Variants in PPP1R12B observed in about 807,000 individuals in gnomAD.
The protein encoded by PPP1R12B is protein phosphatase 1 regulatory subunit 12B.
A neutral mutation model predicts 126.1 loss-of-function variants in PPP1R12B; 76 were observed. The ratio of observed to expected loss-of-function variants is 0.60; its 90% CI spans 0.50 to 0.73. PPP1R12B has a LOEUF of 0.73. PPP1R12B is among the 30% of genes least tolerant of loss of function. PPP1R12B has a pLI of 0.00. For synonymous variants in PPP1R12B, 356 were observed against 434.7 expected (o/e 0.82, Z 2.25); for missense variants, 1,052 against 1,205.1 (o/e 0.87, Z 1.88).
chr1:202,464,046 C>T (rs1674664326), intron 13 of PPP1R12B, among the ~76,000 whole-genome samples: 1 of 152,142 alleles, frequency 6.6e-6, no homozygotes, highest in Admixed American at 6.5e-5. Flanking sequence ...CTTTGCTTAA[C>T]AAAATTGTAT....
chr1:202,454,017 C>G (rs1481935522), intron 13 of PPP1R12B, among the ~76,000 whole-genome samples: 1 of 152,126 alleles, frequency 6.6e-6, no homozygotes, highest in African/African-American at 2.4e-5. Context: ...AAAGTAATCT[C>G]TAGCTGACAA....
chr1:202,476,247 A>G (rs1223305102), intron 13 of PPP1R12B, among the ~76,000 whole-genome samples: 3 of 151,742 alleles, frequency 2.0e-5, no homozygotes, highest in Admixed American at 6.6e-5. Context: ...ATAATAAACT[A>G]TCTTATAAGA....
chr1:202,548,349 T>C lies in PPP1R12B; in HGVS notation c.2491-10528T>C, dbSNP rs1397158490. Among the ~76,000 whole-genome samples the C allele has an allele frequency of 4.0e-5, 6 of 151,702 alleles. No individual in the cohort carries two copies. In the South Asian group the frequency reaches 6.2e-4, roughly 16 times the overall value. ...AACCTAGATTAGTAAAAAGTCAGAA[T>C]GTTTTGTTTTGTTTTGTTTTGTTTT... On this transcript the variant is annotated intron_variant, in intron 18 of 23. Coordinates refer to ENST00000608999, the MANE Select transcript of PPP1R12B (RefSeq NM_002481.4).
chr1:202,385,117 G>C (rs1459086385), intron 1 of PPP1R12B, among the ~76,000 whole-genome samples: 6 of 152,114 alleles, frequency 3.9e-5, no homozygotes, highest in Non-Finnish European at 1.5e-5. Flanking sequence ...GTGATGTATT[G>C]GTTTATATTT....
chr1:202,513,825 T>A (rs68182314), intron 18 of PPP1R12B, among the ~76,000 whole-genome samples: 29,383 of 151,864 alleles, frequency 0.19, 3,013 homozygotes, highest in Non-Finnish European at 0.22. Context: ...ATGAAAAGAG[T>A]ACACAGTTTA....
chr1:202,568,295 A>T (rs1452432735), intron 22 of PPP1R12B, among the ~76,000 whole-genome samples: 3 of 152,138 alleles, frequency 2.0e-5, no homozygotes, highest in Non-Finnish European at 4.4e-5. Context: ...AACATGAGCC[A>T]ACACAGTCTT....
chr1:202,473,033 C>A, intron 13 of PPP1R12B, among the ~76,000 whole-genome samples: 1 of 152,184 alleles, frequency 6.6e-6, no homozygotes, highest in Non-Finnish European at 1.5e-5. Flanking sequence ...GCACTCTTGA[C>A]ATTTGGGGCC....
chr1:202,482,306 C>A (rs182742918), intron 13 of PPP1R12B, among the ~76,000 whole-genome samples: 5 of 152,140 alleles, frequency 3.3e-5, no homozygotes, highest in African/African-American at 7.2e-5. Context: ...TTTAAAGGAA[C>A]CTCCATACTG....
chr1:202,434,994 A>G (rs1440707992), intron 9 of PPP1R12B, among the ~76,000 whole-genome samples: 1 of 152,162 alleles, frequency 6.6e-6, no homozygotes, highest in Non-Finnish European at 1.5e-5. Context: ...CAGCCAGTTC[A>G]GTTCCTGGTG....
intron 22 of PPP1R12B, among the ~76,000 whole-genome samples, chr1:202,568,200 C>T (rs997296289): frequency 6.8e-6 from 1 of 148,098 alleles, no homozygotes; most frequent in African/African-American, 2.5e-5. Context: ...ACACACACAT[C>T]CAAGGTCTCT....
intron 18 of PPP1R12B, among the ~76,000 whole-genome samples, chr1:202,505,513 TC>T (rs2148882647): frequency 6.6e-6 from 1 of 152,328 alleles, no homozygotes; most frequent in East Asian, 1.9e-4. Context: ...CCAGCAACTT[TC>T]TGTCCACTCT....
intron 7 of PPP1R12B, 141 bp from the exon 8 acceptor site, chr1:202,431,339 G>A: frequency 4.5e-6 from 3 of 663,808 alleles, no homozygotes; most frequent in Non-Finnish European, 7.0e-6. Flanking sequence ...AAAATGAAGG[G>A]TTTGGAAGAA....
intron 12 of PPP1R12B, chr1:202,443,162 C>T: frequency 1.0e-6 from 1 of 958,348 alleles, no homozygotes; most frequent in Non-Finnish European, 1.2e-6. Flanking sequence ...ATCTGTATTC[C>T]CTTTTCTGCA....
chr1:202,401,643 G>A (rs187204284), intron 1 of PPP1R12B, among the ~76,000 whole-genome samples: 1 of 152,146 alleles, frequency 6.6e-6, no homozygotes, highest in Admixed American at 6.5e-5. Context: ...TTTCATATTT[G>A]TTGTCTTGTG....
intron 23 of PPP1R12B, among the ~76,000 whole-genome samples, chr1:202,571,004 C>A (rs1035038609): frequency 6.6e-6 from 1 of 152,274 alleles, no homozygotes; most frequent in Non-Finnish European, 1.5e-5. Context: ...AAGCTAGAAC[C>A]TTTCAAGGAG....
chr1:202,438,354 G>A (rs1444999137), intron 10 of PPP1R12B: 1 of 994,362 alleles, frequency 1.0e-6, no homozygotes, highest in African/African-American at 1.6e-5. Flanking sequence ...CCCCAGGTAG[G>A]GGTCCTGGAT....
In PPP1R12B at chr1:202,437,851, G is replaced by A; in HGVS notation, c.1285G>A (p.Glu429Lys). Residue 429 changes from glutamate (E) to lysine (K), a missense_variant, in exon 10 of 24, where the codon GAG becomes AAG. Coordinates refer to ENST00000608999, the MANE Select transcript of PPP1R12B (RefSeq NM_002481.4). ...TTCTGGCCTTTTTAACAAGCCAGAA[G>A]AGCCCAAAGATGAATCTCCTTCTTC... ...FSSGLFNKPE[E>K]PKDESPSSWR... 13 of 1,613,700 alleles carry A rather than the reference G, an allele frequency of 8.1e-6. No individual in the cohort carries two copies. Among genetic ancestry groups the A allele is most frequent in the Non-Finnish European group, 1.1e-5 (13 of 1,179,668 alleles).
intron 1 of PPP1R12B, among the ~76,000 whole-genome samples, chr1:202,377,071 G>T (rs368375262): frequency 7.2e-5 from 11 of 152,318 alleles, no homozygotes; most frequent in African/African-American, 2.4e-4. Flanking sequence ...GAAGCCAAAA[G>T]ATTGGATACC....
Position 202,452,073 on chromosome 1 carries a change from G to T in PPP1R12B, c.1850+2902G>T, listed in dbSNP as rs537346536. Among the ~76,000 whole-genome samples, 5 of 151,734 alleles carry T rather than the reference G, an allele frequency of 3.3e-5. No individual in the cohort carries two copies. The South Asian group carries it at 1.0e-3, about 32-fold the overall frequency. ...CGCTCCTCACATCCCAGACGGGGCGGCGGGGCAGAGGCGCTCCCCACATCT... is the reference window on the plus strand; with the variant it reads ...CGCTCCTCACATCCCAGACGGGGCGTCGGGGCAGAGGCGCTCCCCACATCT... On this transcript the variant is annotated intron_variant, in intron 13 of 23. Coordinates refer to ENST00000608999, the MANE Select transcript of PPP1R12B (RefSeq NM_002481.4).
Sources: allele counts gnomAD v4.1 joint callset (sites outside exome capture counted in the v4.1 genomes callset), GRCh38; gene constraint gnomAD v4.1.1; transcripts MANE v1.5; gene names NCBI Gene and HGNC (gene_info 2026-07-23, HGNC 2026-07-21).